The following TSGA10 variants were observed in gnomAD, a reference collection of about 807,000 sequenced individuals.
TSGA10 encodes the protein testis-specific gene 10 protein.
Under a neutral mutation model 96.6 loss-of-function variants are expected in TSGA10, and 43 were observed. That is an observed-to-expected ratio of 0.44 (90% CI 0.35 to 0.57). The LOEUF is 0.57. Among genes scored for constraint, TSGA10 ranks in the 20% least tolerant of loss-of-function variants. The pLI, the probability that TSGA10 is intolerant of heterozygous loss-of-function variation, is 0.01. For missense variants in TSGA10, 703 were observed against 834.4 expected (o/e 0.84, Z 1.94); for synonymous variants, 229 against 269.9 (o/e 0.85, Z 1.48).
chr2:99,068,957 A>G lies in TSGA10; in HGVS notation c.1149T>C (p.Asn383=), dbSNP rs780331970. 11 of 1,474,768 alleles carry G rather than the reference A, an allele frequency of 7.5e-6. No homozygotes were observed. The African/African-American group carries it at 1.6e-4, about 22-fold the overall frequency. The allele number at this position is 1,474,768 out of a possible 1,614,324, so 91.4% of individuals were successfully genotyped here. Residue 383 remains asparagine, a synonymous_variant, in exon 15 of 21, where the codon AAT becomes AAC. Coordinates refer to ENST00000393483, the MANE Select transcript of TSGA10 (RefSeq NM_025244.4). ...TATCTTGAACCTTCTGTTTTATGTCATTAAGTTCATTATGAGTGTCATTCA... is the reference window on the plus strand; with the variant it reads ...TATCTTGAACCTTCTGTTTTATGTCGTTAAGTTCATTATGAGTGTCATTCA... The part of the protein sequence containing the change: ...KKLNDTHNEL[N]DIKQKVQDTN...
intron 1 of TSGA10, among the ~76,000 whole-genome samples, chr2:99,139,476 C>T (rs2093447865): frequency 6.6e-6 from 1 of 152,074 alleles, no homozygotes; most frequent in African/African-American, 2.4e-5. Flanking sequence ...TCTGGTTCCA[C>T]AAAAGCTTAC....
intron 20 of TSGA10, among the ~76,000 whole-genome samples, chr2:99,012,578 A>G (rs1313145170): frequency 1.3e-5 from 2 of 152,164 alleles, no homozygotes; most frequent in Admixed American, 1.3e-4. Context: ...TAAAAAAAAG[A>G]AAAAGAGGGA....
chr2:99,031,286 CAAAAAAAAAA>C (rs70940132), intron 17 of TSGA10, among the ~76,000 whole-genome samples: 2 of 46,422 alleles, frequency 4.3e-5, no homozygotes, highest in Admixed American at 3.6e-4. Context: ...ACTCATAGGC[CAAAAAAAAAA>C]AAAAAAAAAA....
At chr2:99,016,069 C>A (rs1317209477) in intron 20 of TSGA10, among the ~76,000 whole-genome samples, 1 of 152,058 alleles carries the variant, frequency 6.6e-6, no homozygotes, top group African/African-American at 2.4e-5. Flanking sequence ...TAAAAATGAC[C>A]ATACTGCCAA....
chr2:99,144,962 G>A (rs1023700428), intron 1 of TSGA10, among the ~76,000 whole-genome samples: 8 of 152,158 alleles, frequency 5.3e-5, no homozygotes, highest in Non-Finnish European at 8.8e-5. Context: ...GTTTGCTACG[G>A]CTGTGCAACA....
intron 1 of TSGA10, among the ~76,000 whole-genome samples, chr2:99,137,355 G>A (rs1339271753): frequency 6.6e-6 from 1 of 152,152 alleles, no homozygotes; most frequent in Non-Finnish European, 1.5e-5. Flanking sequence ...AAAATTTTGT[G>A]AGGACACAGA....
intron 2 of TSGA10, among the ~76,000 whole-genome samples, chr2:99,122,782 C>A (rs1439879292): frequency 2.0e-5 from 3 of 151,336 alleles, no homozygotes; most frequent in African/African-American, 7.3e-5. Flanking sequence ...CAGAGCAAGA[C>A]CCTGTCTCCA....
At chr2:99,025,603 CTTGA>C (rs1228845364) in intron 17 of TSGA10, among the ~76,000 whole-genome samples, 1 of 152,064 alleles carries the variant, frequency 6.6e-6, no homozygotes, top group Non-Finnish European at 1.5e-5. Context: ...CTGTTCTAAT[CTTGA>C]TTATTATTTT....
chr2:99,096,974 C>A (rs375467017), intron 10 of TSGA10, among the ~76,000 whole-genome samples: 5 of 152,132 alleles, frequency 3.3e-5, no homozygotes, highest in Non-Finnish European at 7.3e-5. Context: ...CAAATTAATG[C>A]ATATAGAAAC....
chr2:99,065,173 A>T lies in TSGA10; in HGVS notation c.1219-49T>A, dbSNP rs1172489136. The T allele has an allele frequency of 4.5e-6, 7 of 1,566,946 alleles. No individual in the cohort carries two copies. In the South Asian group the frequency reaches 7.3e-5, roughly 16 times the overall value. On this transcript the variant is annotated intron_variant, in intron 15 of 20. Transcript: ENST00000393483. ...ACTTTAAAATGCTGAACATATGATA[A>T]AAATTAAACATTATTATCCAAGTCA... is the stretch of plus-strand genomic sequence containing the variant.
At chr2:99,141,559 G>A (rs1559145821) in intron 1 of TSGA10, 1 of 153,172 alleles carries the variant, frequency 6.5e-6, no homozygotes, top group African/African-American at 2.4e-5. Flanking sequence ...TCCGCGCCGC[G>A]CAGGCGCACG....
At chr2:99,121,836 T>C (rs1360434083) in intron 2 of TSGA10, among the ~76,000 whole-genome samples, 1 of 152,224 alleles carries the variant, frequency 6.6e-6, no homozygotes, top group East Asian at 1.9e-4. Flanking sequence ...TGGTATCATA[T>C]CTAAGAACTT....
At chr2:99,007,219 C>T (rs1014035311) in intron 20 of TSGA10, among the ~76,000 whole-genome samples, 1 of 152,016 alleles carries the variant, frequency 6.6e-6, no homozygotes, top group Non-Finnish European at 1.5e-5. Flanking sequence ...TGCAGCACAG[C>T]AACATGGCAC....
intron 7 of TSGA10, among the ~76,000 whole-genome samples, chr2:99,106,503 G>A (rs1264115043): frequency 6.6e-6 from 1 of 151,470 alleles, no homozygotes; most frequent in Non-Finnish European, 1.5e-5. Context: ...CCTGTCACTT[G>A]ATCCTGCTGA....
intron 1 of TSGA10, among the ~76,000 whole-genome samples, chr2:99,138,291 C>T (rs1287068294): frequency 6.6e-6 from 1 of 152,130 alleles, no homozygotes; most frequent in Non-Finnish European, 1.5e-5. Context: ...AGCCTCTCTC[C>T]TAGTCACTCT....
At chr2:99,064,178 T>C (rs2085000911) in intron 16 of TSGA10, among the ~76,000 whole-genome samples, 1 of 152,094 alleles carries the variant, frequency 6.6e-6, no homozygotes, top group Non-Finnish European at 1.5e-5. Flanking sequence ...TAGGGAAACA[T>C]GTAGTCAAGG....
At chr2:99,136,008 C>CAAAAAAAAA (rs2093310538) in intron 1 of TSGA10, among the ~76,000 whole-genome samples, 2 of 30,548 alleles carry the variant, frequency 6.5e-5, no homozygotes, top group East Asian at 3.2e-3. Context: ...AGACTTCGTA[C>CAAAAAAAAA]CAAAAAAAAA....
chr2:99,150,201 A>G (rs2093678996), intron 1 of TSGA10, among the ~76,000 whole-genome samples: 1 of 152,224 alleles, frequency 6.6e-6, no homozygotes, highest in South Asian at 2.1e-4. Context: ...ATGAATAAAG[A>G]GGTTTCGCTA....
In TSGA10 at chr2:99,003,109, G is replaced by A. The variant is rs566748714; in HGVS notation, c.2073-4888C>T. Among the ~76,000 whole-genome samples the A allele has an allele frequency of 5.9e-5, 9 of 152,112 alleles. No individual in the cohort carries two copies. The East Asian group carries it at 1.2e-3, about 20-fold the overall frequency. ...CCTGACCTCGTGATCCACCTGCCTCGGCCTCCCAAAGTGCTGGGATTATAG... is the reference window on the plus strand; with the variant it reads ...CCTGACCTCGTGATCCACCTGCCTCAGCCTCCCAAAGTGCTGGGATTATAG... On this transcript the variant is annotated intron_variant, in intron 20 of 20. Coordinates refer to ENST00000393483, the MANE Select transcript of TSGA10 (RefSeq NM_025244.4).
Sources: gnomAD v4.1 joint callset for allele counts (sites outside exome capture counted in the v4.1 genomes callset) on GRCh38, gnomAD v4.1.1 for gene constraint, MANE v1.5 for transcripts, NCBI Gene and HGNC (gene_info 2026-07-23, HGNC 2026-07-21) for gene names.